The following RNLS variants were observed in gnomAD, a reference collection of about 807,000 sequenced individuals.
RNLS encodes the protein renalase, FAD dependent amine oxidase, also known as renalase.
RNLS carries 39 observed loss-of-function variants against 39.8 expected under a neutral mutation model. The observed-to-expected ratio is 0.98, with a 90% CI of 0.76 to 1.28. The LOEUF (loss-of-function observed/expected upper bound fraction) is 1.28. Among genes scored for constraint, RNLS ranks in the 50% most tolerant of loss-of-function variants. The pLI, the probability that RNLS is intolerant of heterozygous loss-of-function variation, is 0.00. For synonymous variants in RNLS, 147 were observed against 150.7 expected, an observed-to-expected ratio of 0.98 and a Z score of 0.18; for missense variants, 410 against 413.3, an observed-to-expected ratio of 0.99 and a Z score of 0.07.
chr10:88,325,445 C>T (rs542827899), intron 5 of RNLS, among the ~76,000 whole-genome samples: 90 of 152,292 alleles, frequency 5.9e-4, no homozygotes, highest in African/African-American at 2.1e-3. Flanking sequence ...GCAGTAGCAG[C>T]AGCATTATAA....
the RNLS span, among the ~76,000 whole-genome samples, chr10:88,220,761 G>A: frequency 1.3e-5 from 2 of 152,164 alleles, no homozygotes; most frequent in Non-Finnish European, 2.9e-5. Flanking sequence ...GACTGGACCT[G>A]ACCATGTGTT....
chr10:88,551,343 G>C (rs1848591810), intron 4 of RNLS, among the ~76,000 whole-genome samples: 2 of 152,106 alleles, frequency 1.3e-5, no homozygotes, highest in African/African-American at 4.8e-5. Flanking sequence ...AGAAACCACT[G>C]CTTCCCCCTT....
chr10:88,322,389 C>G (rs1027709548), intron 5 of RNLS, among the ~76,000 whole-genome samples: 11 of 152,252 alleles, frequency 7.2e-5, no homozygotes, highest in African/African-American at 1.9e-4. Flanking sequence ...TGTCCCCAAC[C>G]AAATCTAATC....
intron 4 of RNLS, among the ~76,000 whole-genome samples, chr10:88,385,808 G>A (rs1443642064): frequency 3.9e-5 from 6 of 152,164 alleles, no homozygotes; most frequent in African/African-American, 9.7e-5. Context: ...GTGGTTGGGG[G>A]TAGGGGAGAA....
At chr10:88,444,630 C>T (rs191160388) in intron 4 of RNLS, among the ~76,000 whole-genome samples, 1 of 152,142 alleles carries the variant, frequency 6.6e-6, no homozygotes, top group East Asian at 1.9e-4. Context: ...CCTTAAATGA[C>T]CTGATGGAGC....
chr10:88,386,501 A>G (rs1851864079), intron 4 of RNLS, among the ~76,000 whole-genome samples: 2 of 152,208 alleles, frequency 1.3e-5, no homozygotes, highest in South Asian at 2.1e-4. Context: ...TCAGTTTTTA[A>G]GTAGGTTTCA....
intron 4 of RNLS, among the ~76,000 whole-genome samples, chr10:88,551,838 C>T (rs1590001703): frequency 3.9e-5 from 6 of 152,146 alleles, no homozygotes; most frequent in Non-Finnish European, 8.8e-5. Context: ...GAATTGTTAC[C>T]AACCAGTAAA....
At chr10:88,300,306 AAGAG>A (rs1346245695) in intron 6 of RNLS, among the ~76,000 whole-genome samples, 1 of 152,176 alleles carries the variant, frequency 6.6e-6, no homozygotes, top group African/African-American at 2.4e-5. Flanking sequence ...GAGAGAGAGA[AAGAG>A]AGACTGTCTA....
the RNLS span, among the ~76,000 whole-genome samples, chr10:88,235,084 A>T: frequency 1.3e-5 from 2 of 151,708 alleles, no homozygotes; most frequent in South Asian, 4.2e-4. Context: ...ACACGGTGAA[A>T]CCCCGTCTCT....
At chr10:88,440,708 A>T (rs552708806) in intron 4 of RNLS, among the ~76,000 whole-genome samples, 42 of 152,292 alleles carry the variant, frequency 2.8e-4, no homozygotes, top group Middle Eastern at 3.4e-3. Flanking sequence ...GAGAAAGGAA[A>T]CCTCTTTCCC....
chr10:88,521,108 A>C (rs1389137544), intron 4 of RNLS, among the ~76,000 whole-genome samples: 2 of 152,016 alleles, frequency 1.3e-5, no homozygotes, highest in African/African-American at 4.8e-5. Flanking sequence ...CAACTTTCAA[A>C]GATACTGCCT....
chr10:88,263,033 T>C, the RNLS span, among the ~76,000 whole-genome samples: 4 of 152,000 alleles, frequency 2.6e-5, no homozygotes, highest in African/African-American at 9.7e-5. Context: ...ATCTGAAAAA[T>C]GGAAATGATA....
chr10:88,313,239 A>G (rs893632554), intron 6 of RNLS, among the ~76,000 whole-genome samples: 13 of 152,224 alleles, frequency 8.5e-5, no homozygotes, highest in African/African-American at 3.1e-4. Context: ...AATTACGAGA[A>G]AGGCACAAGA....
Position 88,351,328 on chromosome 10 carries a change from G to A in RNLS, c.700+11224C>T, listed in dbSNP as rs557192394. 2.0e-5 allele frequency among the ~76,000 whole-genome samples: 3 copies of A among 152,176 alleles called. 1 individual carries two copies. The South Asian group carries it at 6.2e-4, about 31-fold the overall frequency. On this transcript the variant is annotated intron_variant, in intron 5 of 6. Transcript: ENST00000331772. Reference sequence around the variant, plus strand: ...CCATCCCTATGTCCTAAATGGTAATGCCTATGTTTTCTTCTATGGTTTTTA... The same window carrying A: ...CCATCCCTATGTCCTAAATGGTAATACCTATGTTTTCTTCTATGGTTTTTA...
At chr10:88,298,074 A>G (rs1471928858) in intron 6 of RNLS, among the ~76,000 whole-genome samples, 1 of 152,164 alleles carries the variant, frequency 6.6e-6, no homozygotes, top group Non-Finnish European at 1.5e-5. Flanking sequence ...CCAAAGGAAT[A>G]ATGATTTTTA....
chr10:88,535,660 A>T (rs1235454400), intron 4 of RNLS, among the ~76,000 whole-genome samples: 1 of 152,164 alleles, frequency 6.6e-6, no homozygotes, highest in African/African-American at 2.4e-5. Context: ...AACAATAATG[A>T]GTCCCTACAG....
chr10:88,352,792 T>C (rs1228445156), intron 5 of RNLS, among the ~76,000 whole-genome samples: 1 of 152,256 alleles, frequency 6.6e-6, no homozygotes, highest in Non-Finnish European at 1.5e-5. Flanking sequence ...CTCCTCCTTG[T>C]ACCTCTGGTG....
chr10:88,500,876 T>C (rs1342088442), intron 4 of RNLS, among the ~76,000 whole-genome samples: 1 of 152,104 alleles, frequency 6.6e-6, no homozygotes, highest in Non-Finnish European at 1.5e-5. Context: ...GGGCTAGCAA[T>C]TGCATAAATT....
intron 4 of RNLS, among the ~76,000 whole-genome samples, chr10:88,456,231 T>A (rs1842619819): frequency 6.6e-6 from 1 of 152,154 alleles, no homozygotes; most frequent in African/African-American, 2.4e-5. Flanking sequence ...ACCCAAAGCT[T>A]TAGCAAAACT....
Sources: gnomAD v4.1 joint callset for allele counts (sites outside exome capture counted in the v4.1 genomes callset) on GRCh38, gnomAD v4.1.1 for gene constraint, MANE v1.5 for transcripts, NCBI Gene and HGNC (gene_info 2026-07-23, HGNC 2026-07-21) for gene names.